The following CRISP3 variants were observed in gnomAD, a reference collection of about 807,000 sequenced individuals.
CRISP3 encodes the protein cysteine rich secretory protein 3.
In CRISP3, 33 loss-of-function variants were observed where a neutral mutation model predicts 36.1. That is an observed-to-expected ratio of 0.91 (90% CI 0.69 to 1.22). The LOEUF (loss-of-function observed/expected upper bound fraction) is 1.22. CRISP3 is among the 50% of genes most tolerant of loss of function. The probability of loss-of-function intolerance (pLI) is 0.00; values close to 1 mark genes in which losing one functional copy is unlikely to be tolerated. For synonymous variants in CRISP3, 117 were observed against 104.6 expected (o/e 1.12, Z -0.72); for missense variants, 330 against 301.2 (o/e 1.10, Z -0.71).
chr6:49,728,827 C>G lies in CRISP3; in HGVS notation c.680G>C (p.Ser227Thr). Residue 227 changes from serine to threonine, a missense_variant, in exon 8 of 8, where the codon AGT becomes ACT. Physicochemically the swap from Ser to Thr is moderately conservative, Grantham distance 58. Transcript: ENST00000263045. ...TNGCKYEDLYSNCKSLKLTLT... is the reference protein window; with the variant it reads ...TNGCKYEDLYTNCKSLKLTLT... ...TGTGAGCTTCAAACTTTTACAGTTACTATAGAGATCTTCGTACTTGCAACC... is the reference window on the plus strand; with the variant it reads ...TGTGAGCTTCAAACTTTTACAGTTAGTATAGAGATCTTCGTACTTGCAACC... 4 of 1,612,026 alleles carry G rather than the reference C, an allele frequency of 2.5e-6. No individual in the cohort carries two copies. Among genetic ancestry groups the G allele is most frequent in the Non-Finnish European group, 3.4e-6 (4 of 1,178,934 alleles).
chr6:49,739,630 G>C (rs995057067), intron 1 of CRISP3, among the ~76,000 whole-genome samples: 3 of 152,160 alleles, frequency 2.0e-5, no homozygotes, highest in Non-Finnish European at 4.4e-5. Flanking sequence ...AATGGTGACA[G>C]AGAGTCGCTG....
In CRISP3 at chr6:49,733,946, T is replaced by G. The variant is rs978128556; in HGVS notation, c.317-98A>C. The G allele has an allele frequency of 2.7e-6, 3 of 1,098,542 alleles. No individual in the cohort carries two copies. In the Admixed American group the frequency reaches 6.0e-5, roughly 22 times the overall value. The allele number at this position is 1,098,542 out of a possible 1,614,324, so 68.0% of individuals were successfully genotyped here. A position where few individuals can be genotyped will look rare whatever the true frequency, so the allele number is the denominator to read the frequency against. On this transcript the variant is annotated intron_variant, in intron 4 of 7. Transcript: ENST00000263045. ...CACTACACACAGCAGAATCCCTGTTTTTTAAATACAGTCCCCAGTACCCAC... is the reference window on the plus strand; with the variant it reads ...CACTACACACAGCAGAATCCCTGTTGTTTAAATACAGTCCCCAGTACCCAC...
intron 3 of CRISP3, 90 bp from the exon 4 acceptor site, chr6:49,735,681 A>G (rs1769032706): frequency 1.1e-6 from 1 of 871,706 alleles, no homozygotes; most frequent in South Asian, 1.7e-5. Flanking sequence ...GTTGATTTAC[A>G]TCATCATAAA....
chr6:49,740,083 G>A (rs1769159968), intron 1 of CRISP3, among the ~76,000 whole-genome samples: 1 of 152,184 alleles, frequency 6.6e-6, no homozygotes. Context: ...ATCTACAGCA[G>A]AGCAAATTGT....
intron 1 of CRISP3, 151 bp downstream of exon 1, chr6:49,744,180 G>A (rs558895983): frequency 3.8e-5 from 19 of 494,266 alleles, no homozygotes; most frequent in Admixed American, 1.2e-4. Context: ...AATATATTAA[G>A]ATAATTACTC....
At chr6:49,734,227 G>C (rs1768986950) in intron 4 of CRISP3, among the ~76,000 whole-genome samples, 1 of 152,154 alleles carries the variant, frequency 6.6e-6, no homozygotes, top group Non-Finnish European at 1.5e-5. Context: ...GATCAACTTA[G>C]TAATTCCTCT....
Position 49,736,411 on chromosome 6 carries a change from C to T in CRISP3, c.208G>A (p.Ala70Thr). The T allele has an allele frequency of 6.2e-7, 1 of 1,611,008 alleles. No individual in the cohort carries two copies. Among genetic ancestry groups the T allele is most frequent in the Non-Finnish European group, 8.5e-7 (1 of 1,177,624 alleles). Reference sequence around the variant, plus strand: ...CTTACCATCTTCAGCATGTTTCTGGCAGGGGGAGATACTGCTCTCCTCAGT... The same window carrying T: ...CTTACCATCTTCAGCATGTTTCTGGTAGGGGGAGATACTGCTCTCCTCAGT... ...NELRRAVSPPARNMLKMEWNK... is the reference protein window; with the variant it reads ...NELRRAVSPPTRNMLKMEWNK... Residue 70 changes from alanine to threonine, a missense_variant, in exon 3 of 8, where the codon GCC becomes ACC. Transcript: ENST00000263045.
chr6:49,733,227 T>C lies in CRISP3; in HGVS notation c.528A>G (p.Leu176=). Residue 176 remains leucine, a synonymous_variant, in exon 6 of 8, where the codon CTA becomes CTG. Transcript: ENST00000263045. Reference sequence around the variant, plus strand: ...AATATTGGCAAACATAGTAGTATTTTAGAACTTTTTGATTGGGACAGTAGG... The same window carrying C: ...AATATTGGCAAACATAGTAGTATTTCAGAACTTTTTGATTGGGACAGTAGG... ...GNAYCPNQKV[L]KYYYVCQYCP... 6.2e-7 allele frequency: 1 copy of C among 1,610,352 alleles called. No individual in the cohort carries two copies. Among genetic ancestry groups the C allele is most frequent in the South Asian group, 1.1e-5 (1 of 90,468 alleles).
At chr6:49,731,901 A>C (rs1174269043) in intron 6 of CRISP3, among the ~76,000 whole-genome samples, 1 of 152,116 alleles carries the variant, frequency 6.6e-6, no homozygotes, top group Non-Finnish European at 1.5e-5. Context: ...ATGTTAGGGA[A>C]AAAAAGATTT....
chr6:49,729,823 A>G (rs900159339), intron 7 of CRISP3, among the ~76,000 whole-genome samples: 34 of 152,118 alleles, frequency 2.2e-4, no homozygotes, highest in African/African-American at 8.2e-4. Flanking sequence ...TGTTTTTCCA[A>G]CAGTCTCCTA....
intron 7 of CRISP3, among the ~76,000 whole-genome samples, chr6:49,729,626 C>T (rs1768865574): frequency 6.6e-6 from 1 of 152,146 alleles, no homozygotes; most frequent in Non-Finnish European, 1.5e-5. Context: ...AACTATTAAA[C>T]AATTCAAGCC....
rs1475231660 is a variant in CRISP3 at position 49,733,799 on chromosome 6, C to T, written c.366G>A (p.Trp122Ter). Residue 122 changes from tryptophan (W) to a stop codon, truncating the protein, a stop_gained, in exon 5 of 8, where the codon TGG (tryptophan) becomes TGA (stop). Transcript: ENST00000263045. LOFTEE classifies it high-confidence loss of function. ...CAAACCAGCTTTGGATTGCTTGTGA[C>T]CATGAGCTGGAGGCACTTGACATGT... ...NLYMSSASSS[W>*]SQAIQSWFDE... 1.2e-6 allele frequency: 2 copies of T among 1,613,764 alleles called. No individual in the cohort carries two copies. Among genetic ancestry groups the T allele is most frequent in the East Asian group, 4.5e-5 (2 of 44,870 alleles).
chr6:49,731,701 A>T (rs982544596), intron 6 of CRISP3, among the ~76,000 whole-genome samples: 23 of 27,246 alleles, frequency 8.4e-4, no homozygotes, highest in African/African-American at 3.7e-3. Context: ...ATTAAAAATA[A>T]AAAAAAACCA....
intron 1 of CRISP3, among the ~76,000 whole-genome samples, chr6:49,743,983 T>C (rs1286823607): frequency 6.6e-6 from 1 of 152,156 alleles, no homozygotes; most frequent in Non-Finnish European, 1.5e-5. Flanking sequence ...TGCACACACA[T>C]ATATTCATAG....
intron 2 of CRISP3, among the ~76,000 whole-genome samples, chr6:49,736,985 C>T (rs1446015812): frequency 6.6e-6 from 1 of 152,088 alleles, no homozygotes; most frequent in Non-Finnish European, 1.5e-5. Context: ...GCATGTGTAA[C>T]ATGCAATACT....
intron 2 of CRISP3, 136 bp downstream of exon 2, chr6:49,737,189 C>G: frequency 4.8e-6 from 3 of 630,260 alleles, no homozygotes; most frequent in Non-Finnish European, 8.4e-6. Flanking sequence ...ATTATGTTAA[C>G]TACCTTGAGC....
chr6:49,735,451 G>T (rs535875900), intron 4 of CRISP3, 53 bp downstream of exon 4: 4 of 1,376,424 alleles, frequency 2.9e-6, no homozygotes, highest in Admixed American at 3.6e-5. Context: ...TCATAACATG[G>T]TTTATTATTT....
rs746704096 is a variant in CRISP3 at position 49,728,555 on chromosome 6, A to G, written c.*175T>C. ...TTGTTTCTTTTTAACCATTTGTATG[A>G]AAAATATTTTTGTAAAATAAAAAGC... is the stretch of plus-strand genomic sequence containing the variant. On this transcript the variant is annotated 3_prime_UTR_variant, in exon 8 of 8. Coordinates refer to ENST00000263045, the MANE Select transcript of CRISP3 (RefSeq NM_006061.4). The G allele has an allele frequency of 4.3e-6, 2 of 468,936 alleles. No homozygotes were observed. Among genetic ancestry groups the G allele is most frequent in the Middle Eastern group, 4.8e-4 (1 of 2,084 alleles). The allele number at this position is 468,936 out of a possible 1,614,324, so 29.0% of individuals were successfully genotyped here.
intron 6 of CRISP3, 61 bp from the exon 7 acceptor site, chr6:49,731,312 G>T: frequency 2.9e-6 from 3 of 1,031,746 alleles, no homozygotes; most frequent in South Asian, 1.6e-5. Context: ...TATGTTCCAA[G>T]GTTAGTATCA....
Sources: gnomAD v4.1 joint callset for allele counts (sites outside exome capture counted in the v4.1 genomes callset) on GRCh38, gnomAD v4.1.1 for gene constraint, MANE v1.5 for transcripts, NCBI Gene and HGNC (gene_info 2026-07-23, HGNC 2026-07-21) for gene names.